PHC3: variants seen among roughly 807,000 people sequenced by gnomAD.
The protein encoded by PHC3 is polyhomeotic-like protein 3.
In PHC3, 13 loss-of-function variants were observed where a neutral mutation model predicts 107.4. The observed-to-expected ratio is 0.12, with a 90% CI of 0.08 to 0.19. PHC3 has a LOEUF of 0.19. Ranked by LOEUF, PHC3 falls within the 10% of genes least tolerant of loss-of-function variation. PHC3 has a pLI of 1.00. For missense variants in PHC3, 992 were observed against 1,210.9 expected (o/e 0.82, Z 2.68); for synonymous variants, 456 against 427.4 (o/e 1.07, Z -0.83).
At chr3:170,164,105 G>T (rs1307466236) in intron 4 of PHC3, among the ~76,000 whole-genome samples, 2 of 151,840 alleles carry the variant, frequency 1.3e-5, no homozygotes, top group Non-Finnish European at 2.9e-5. Context: ...AGTAGGCTGA[G>T]GCAGGAGAAT....
chr3:170,107,081 C>A (rs1240124974), intron 11 of PHC3, 135 bp from the exon 12 acceptor site: 6 of 537,926 alleles, frequency 1.1e-5, no homozygotes, highest in African/African-American at 1.9e-5. Context: ...GCCACTCTGG[C>A]AGGGCAAAAG....
At chr3:170,126,754 T>A (rs1420499053) in intron 8 of PHC3, among the ~76,000 whole-genome samples, 2 of 151,728 alleles carry the variant, frequency 1.3e-5, no homozygotes, top group African/African-American at 4.8e-5. Flanking sequence ...TTGGCCAGGC[T>A]GGTCTTGAAC....
chr3:170,102,118 T>C (rs1715591380), intron 14 of PHC3: 2 of 975,398 alleles, frequency 2.1e-6, no homozygotes, highest in South Asian at 4.7e-5. Flanking sequence ...TAAGGAGGAA[T>C]AGAATAGAAA....
In PHC3 at chr3:170,133,169, C is replaced by T. The variant is rs571643329; in HGVS notation, c.919+3250G>A. On this transcript the variant is annotated intron_variant, in intron 7 of 14. Transcript: ENST00000495893. Reference sequence around the variant, plus strand: ...AATTGAGAATATCTCAAAATATCTTCGCTTCAGATTAACTTTTTTTTTTTT... The same window carrying T: ...AATTGAGAATATCTCAAAATATCTTTGCTTCAGATTAACTTTTTTTTTTTT... Among the ~76,000 whole-genome samples the T allele has an allele frequency of 5.4e-3, 824 of 151,578 alleles. 16 individuals carry two copies. The highest frequency in any genetic ancestry group is 2.9e-3 in the African/African-American group (120 of 41,318).
chr3:170,150,187 A>G (rs551612594), intron 4 of PHC3, among the ~76,000 whole-genome samples: 1 of 152,308 alleles, frequency 6.6e-6, no homozygotes, highest in South Asian at 2.1e-4. Context: ...TTATTCTGTC[A>G]CATTCTGAGG....
intron 1 of PHC3, among the ~76,000 whole-genome samples, chr3:170,180,417 C>T (rs907198663): frequency 1.3e-5 from 2 of 151,952 alleles, no homozygotes; most frequent in African/African-American, 4.8e-5. Flanking sequence ...CCACTGCACT[C>T]CAGCCTGGGA....
At chr3:170,134,155 AAAAAT>A in intron 7 of PHC3, among the ~76,000 whole-genome samples, 1 of 152,168 alleles carries the variant, frequency 6.6e-6, no homozygotes, top group Admixed American at 6.5e-5. Flanking sequence ...TTTAAAAAAA[AAAAAT>A]AAGAATTCGT....
intron 11 of PHC3, among the ~76,000 whole-genome samples, chr3:170,111,329 CGAAA>C (rs1327089195): frequency 1.4e-4 from 13 of 91,378 alleles, no homozygotes; most frequent in African/African-American, 2.6e-4. Context: ...AACGAACGAA[CGAAA>C]GAACAAAAGA....
At chr3:170,160,559 G>A (rs535458855) in intron 4 of PHC3, among the ~76,000 whole-genome samples, 1 of 152,240 alleles carries the variant, frequency 6.6e-6, no homozygotes, top group South Asian at 2.1e-4. Flanking sequence ...CTCAATCTCA[G>A]GCAATTAGAA....
intron 6 of PHC3, among the ~76,000 whole-genome samples, chr3:170,142,155 T>C (rs1437950815): frequency 1.3e-5 from 2 of 152,200 alleles, no homozygotes; most frequent in Non-Finnish European, 2.9e-5. Context: ...ATTCAGTAAA[T>C]GAAACATTTA....
At chr3:170,103,431 G>T (rs2108275078) in intron 12 of PHC3, among the ~76,000 whole-genome samples, 1 of 152,232 alleles carries the variant, frequency 6.6e-6, no homozygotes, top group East Asian at 1.9e-4. Flanking sequence ...TAAAATCAAA[G>T]AATGAAAATG....
At chr3:170,152,176 G>T (rs1726102478) in intron 4 of PHC3, among the ~76,000 whole-genome samples, 2 of 150,924 alleles carry the variant, frequency 1.3e-5, no homozygotes. Context: ...GTTTTGTTTT[G>T]TTTTGTTTTT....
At chr3:170,118,842 C>G (rs1350383746) in intron 9 of PHC3, among the ~76,000 whole-genome samples, 2 of 151,440 alleles carry the variant, frequency 1.3e-5, no homozygotes, top group Admixed American at 1.3e-4. Flanking sequence ...ATAAGCCACC[C>G]AGCTGGTCTG....
rs1285949628 is a variant in PHC3, at chr3:170,091,743, ATATTTGTAT to A, written c.*5478_*5486del. The A allele has an allele frequency of 6.6e-6, 1 of 151,554 alleles. No homozygotes were observed. The highest frequency in any genetic ancestry group is 1.5e-5 in the Non-Finnish European group (1 of 67,942). The allele number at this position is 151,554 out of a possible 1,614,324, so 9.4% of individuals were successfully genotyped here. A position where few individuals can be genotyped will look rare whatever the true frequency, so the allele number is the denominator to read the frequency against. ...TCTCTGGAATGTGATGGTAATAATT[ATATTTGTAT>A]TATTTGTATTAATGCTTTACAACTT... On this transcript the variant is annotated 3_prime_UTR_variant, in exon 15 of 15. Transcript: ENST00000495893.
At chr3:170,161,456 C>A (rs1727873439) in intron 4 of PHC3, among the ~76,000 whole-genome samples, 1 of 152,130 alleles carries the variant, frequency 6.6e-6, no homozygotes, top group African/African-American at 2.4e-5. Flanking sequence ...GAAACTGTTC[C>A]ATCTCAGATC....
At chr3:170,104,061 C>T (rs1047758698) in intron 12 of PHC3, among the ~76,000 whole-genome samples, 1 of 151,886 alleles carries the variant, frequency 6.6e-6, no homozygotes, top group African/African-American at 2.4e-5. Flanking sequence ...CAGAGCCAGA[C>T]CCTGACTCAA....
chr3:170,141,609 TTTTTG>T (rs1176022867), intron 6 of PHC3, among the ~76,000 whole-genome samples: 2 of 152,120 alleles, frequency 1.3e-5, no homozygotes, highest in African/African-American at 2.4e-5. Flanking sequence ...ATAAATTCTT[TTTTTG>T]TTTTGTTTTG....
At position 170,158,927 on chromosome 3, in the gene PHC3, GA is replaced by G. The variant is rs145178751; in HGVS notation, c.415-9684del. 2.0e-3 allele frequency among the ~76,000 whole-genome samples: 246 copies of G among 120,182 alleles called. 1 individual carries two copies. Among genetic ancestry groups the G allele is most frequent in the East Asian group, 2.4e-3 (10 of 4,184 alleles). The allele number at this position is 120,182 out of a possible 152,430, so 78.8% of individuals were successfully genotyped here. A position where few individuals can be genotyped will look rare whatever the true frequency, so the allele number is the denominator to read the frequency against. ...GGACAACAAAGTGAGAACCTGTCTT[GA>G]AAAAAAAAAAAAAAGTGAAAATAAA... On this transcript the variant is annotated intron_variant, in intron 4 of 14. Transcript: ENST00000495893.
At chr3:170,117,832 TA>T (rs781293663) in intron 9 of PHC3, among the ~76,000 whole-genome samples, 11 of 88,772 alleles carry the variant, frequency 1.2e-4, no homozygotes, top group Admixed American at 2.4e-4. Context: ...CCATCTCTAC[TA>T]AAAAAAAAAC....
Sources: allele counts gnomAD v4.1 joint callset (sites outside exome capture counted in the v4.1 genomes callset), GRCh38; gene constraint gnomAD v4.1.1; transcripts MANE v1.5; gene names NCBI Gene and HGNC (gene_info 2026-07-23, HGNC 2026-07-21).